Variants in GPR155 observed in about 807,000 individuals in gnomAD.
GPR155 encodes G protein-coupled receptor 155.
Under a neutral mutation model 93.1 loss-of-function variants are expected in GPR155, and 65 were observed. The ratio of observed to expected loss-of-function variants is 0.70; its 90% CI spans 0.57 to 0.86. The LOEUF is 0.86. GPR155 is among the 40% of genes least tolerant of loss of function. GPR155 has a pLI of 0.00. For missense variants in GPR155, 838 were observed against 1,034.8 expected (o/e 0.81, Z 2.61); for synonymous variants, 319 against 360.1 (o/e 0.89, Z 1.29).
At chr2:174,441,759 G>A (rs1686969837) in intron 14 of GPR155, among the ~76,000 whole-genome samples, 1 of 151,782 alleles carries the variant, frequency 6.6e-6, no homozygotes, top group Non-Finnish European at 1.5e-5. Flanking sequence ...GTGCGTGTGT[G>A]TGTGACAGGA....
At chr2:174,446,058 G>T (rs1022576082) in intron 12 of GPR155, among the ~76,000 whole-genome samples, 1 of 151,896 alleles carries the variant, frequency 6.6e-6, no homozygotes, top group South Asian at 2.1e-4. Flanking sequence ...TGTAATTCCA[G>T]CACTTTGGGA....
Position 174,475,769 on chromosome 2 carries a change from AAGAG to A in GPR155, c.461-2409_461-2406del, listed in dbSNP as rs1424857087. On this transcript the variant is annotated intron_variant, in intron 2 of 15. Transcript: ENST00000392552. Reference sequence around the variant, plus strand: ...TGATTCTCTTGAGATATTTTATCTCAAGAGAAAGATGTTCATACCTGCCCACCAA... The same window carrying A: ...TGATTCTCTTGAGATATTTTATCTCAAAAGATGTTCATACCTGCCCACCAA... 1.3e-5 allele frequency among the ~76,000 whole-genome samples: 2 copies of A among 152,172 alleles called. 1 individual carries two copies. Among genetic ancestry groups the A allele is most frequent in the Middle Eastern group, 6.3e-3 (2 of 316 alleles).
At chr2:174,482,199 G>A (rs1468625484) in intron 1 of GPR155, among the ~76,000 whole-genome samples, 1 of 152,086 alleles carries the variant, frequency 6.6e-6, no homozygotes, top group Non-Finnish European at 1.5e-5. Flanking sequence ...AACAATAATC[G>A]CTTCACTCTC....
At chr2:174,450,893 G>A (rs1201559166) in intron 11 of GPR155, among the ~76,000 whole-genome samples, 1 of 152,140 alleles carries the variant, frequency 6.6e-6, no homozygotes, top group African/African-American at 2.4e-5. Flanking sequence ...ATGTTGCTAA[G>A]TATAAAGAAA....
At position 174,432,557 on chromosome 2, in the gene GPR155, C is replaced by T. The variant is rs1686666597; in HGVS notation, c.*3559G>A. The T allele has an allele frequency of 6.6e-6, 1 of 152,106 alleles. No homozygotes were observed. Among genetic ancestry groups the T allele is most frequent in the Non-Finnish European group, 1.5e-5 (1 of 68,030 alleles). The allele number at this position is 152,106 out of a possible 1,614,324, so 9.4% of individuals were successfully genotyped here. A position where few individuals can be genotyped will look rare whatever the true frequency, so the allele number is the denominator to read the frequency against. On this transcript the variant is annotated 3_prime_UTR_variant, in exon 16 of 16. Coordinates refer to ENST00000392552, the MANE Select transcript of GPR155 (RefSeq NM_152529.7). ...TTATTACTGTAACTAGAAAAATCTC[C>T]TGGTAACAGCAATGAGGCCTTAGAC... is the stretch of plus-strand genomic sequence containing the variant.
chr2:174,466,901 A>C (rs1016362280), intron 5 of GPR155, among the ~76,000 whole-genome samples: 4 of 152,198 alleles, frequency 2.6e-5, no homozygotes, highest in Non-Finnish European at 5.9e-5. Flanking sequence ...TCATTCCTAT[A>C]ATCTTAGCAC....
intron 2 of GPR155, among the ~76,000 whole-genome samples, chr2:174,479,748 C>T (rs1389672345): frequency 6.6e-6 from 1 of 152,144 alleles, no homozygotes; most frequent in Non-Finnish European, 1.5e-5. Context: ...ACCATAAATA[C>T]CTTGAGAAAT....
intron 10 of GPR155, among the ~76,000 whole-genome samples, chr2:174,459,286 T>C (rs758518838): frequency 6.6e-6 from 1 of 152,206 alleles, no homozygotes; most frequent in Non-Finnish European, 1.5e-5. Context: ...TTAACTTATG[T>C]ATGTGCTTCG....
At chr2:174,467,213 G>A (rs565003488) in intron 5 of GPR155, among the ~76,000 whole-genome samples, 1 of 151,632 alleles carries the variant, frequency 6.6e-6, no homozygotes, top group Non-Finnish European at 1.5e-5. Flanking sequence ...AAAAACTAAT[G>A]CCTTGGCCAG....
intron 14 of GPR155, 101 bp downstream of exon 14, chr2:174,442,018 G>T: frequency 1.4e-6 from 1 of 731,668 alleles, no homozygotes. Context: ...AAAGTACTGG[G>T]ATTACAAGTA....
At chr2:174,465,990 C>A (rs1477067929) in intron 6 of GPR155, 88 bp from the exon 7 acceptor site, 2 of 636,382 alleles carry the variant, frequency 3.1e-6, no homozygotes, top group African/African-American at 1.8e-5. Context: ...ATTAAGCCAG[C>A]CATATTCATC....
Position 174,446,624 on chromosome 2 carries a change from A to G in GPR155, c.2000T>C (p.Ile667Thr), listed in dbSNP as rs900035027. 1 of 1,613,450 alleles carries G rather than the reference A, an allele frequency of 6.2e-7. No individual in the cohort carries two copies. The highest frequency in any genetic ancestry group is 1.7e-5 in the Admixed American group (1 of 59,702). ...RHVLLCLLLI[I>T]GLFANLSSCL... ...AAAAACCATTACAGCGAACAGGCCAATGATGAGAAGTAAACACAGCAACAC... is the reference window on the plus strand; with the variant it reads ...AAAAACCATTACAGCGAACAGGCCAGTGATGAGAAGTAAACACAGCAACAC... Residue 667 changes from isoleucine (I) to threonine (T), a missense_variant, in exon 12 of 16, where the codon ATT becomes ACT. By Grantham distance (89) the Ile-to-Thr change is moderately conservative. Transcript: ENST00000392552.
rs1686747002 is a variant in GPR155 at position 174,435,437 on chromosome 2, T to C, written c.*679A>G. On this transcript the variant is annotated 3_prime_UTR_variant, in exon 16 of 16. Coordinates refer to ENST00000392552, the MANE Select transcript of GPR155 (RefSeq NM_152529.7). The stretch of plus-strand genomic sequence containing the variant: ...TATGGGAGAATGTGCATAGGTTATA[T>C]GCAAATACTACACCATTTTATTAAT... 1 of 139,952 alleles carries C rather than the reference T, an allele frequency of 7.1e-6. No individual in the cohort carries two copies. Among genetic ancestry groups the C allele is most frequent in the Non-Finnish European group, 1.6e-5 (1 of 61,144 alleles). The allele number at this position is 139,952 out of a possible 1,614,324, so 8.7% of individuals were successfully genotyped here.
intron 11 of GPR155, among the ~76,000 whole-genome samples, chr2:174,449,856 G>C (rs1391762718): frequency 6.6e-6 from 1 of 152,102 alleles, no homozygotes; most frequent in African/African-American, 2.4e-5. Flanking sequence ...GGTGCCTGTA[G>C]TCCCAGCTAC....
At chr2:174,480,538 G>T (rs1396229606) in intron 2 of GPR155, among the ~76,000 whole-genome samples, 1 of 152,054 alleles carries the variant, frequency 6.6e-6, no homozygotes, top group Non-Finnish European at 1.5e-5. Context: ...AGAGTGTTCT[G>T]AAATATAGAA....
chr2:174,454,113 A>T (rs1687415485), intron 10 of GPR155, among the ~76,000 whole-genome samples: 1 of 152,146 alleles, frequency 6.6e-6, no homozygotes, highest in South Asian at 2.1e-4. Context: ...GGATCACTTA[A>T]GGCTAGGATT....
chr2:174,442,937 C>T (rs149154837), intron 13 of GPR155, among the ~76,000 whole-genome samples: 38 of 152,162 alleles, frequency 2.5e-4, no homozygotes, highest in Non-Finnish European at 4.6e-4. Context: ...TGAACCACTT[C>T]GGCCTTAAGT....
intron 9 of GPR155, 144 bp downstream of exon 9, chr2:174,461,258 A>G: frequency 3.3e-6 from 2 of 599,888 alleles, no homozygotes; most frequent in East Asian, 2.7e-5. Context: ...TCTAGATGAG[A>G]CAAAGTGATA....
chr2:174,481,893 T>C lies in GPR155; in HGVS notation c.64A>G (p.Thr22Ala), dbSNP rs1309923746. The C allele has an allele frequency of 6.2e-7, 1 of 1,614,172 alleles. No homozygotes were observed. The highest frequency in any genetic ancestry group is 1.1e-5 in the South Asian group (1 of 91,086). ...GAATTAAATCCATGCGTTACTGCTG[T>C]AGGCAAAGTCTTGGTCATATTGACT... ...IAVNMTKTLPTAVTHGFNSTN... is the reference protein window; with the variant it reads ...IAVNMTKTLPAAVTHGFNSTN... The change falls in exon 2 of 16, where the codon ACA becomes GCA. Residue 22 changes from threonine (T) to alanine (A), a missense_variant. By Grantham distance (58) the Thr-to-Ala change is moderately conservative. Coordinates refer to ENST00000392552, the MANE Select transcript of GPR155 (RefSeq NM_152529.7).
Sources: allele counts gnomAD v4.1 joint callset (sites outside exome capture counted in the v4.1 genomes callset), GRCh38; gene constraint gnomAD v4.1.1; transcripts MANE v1.5; gene names NCBI Gene and HGNC (gene_info 2026-07-23, HGNC 2026-07-21).